PDE1C: variants seen among roughly 807,000 people sequenced by gnomAD.
The protein encoded by PDE1C is dual specificity calcium/calmodulin-dependent 3',5'-cyclic nucleotide phosphodiesterase 1C.
Under a neutral mutation model 93.1 loss-of-function variants are expected in PDE1C, and 62 were observed. The observed-to-expected ratio is 0.67, with a 90% CI of 0.54 to 0.82. The LOEUF is 0.82. Among genes scored for constraint, PDE1C ranks in the 40% least tolerant of loss-of-function variants. The probability of loss-of-function intolerance (pLI) is 0.00; values close to 1 mark genes in which losing one functional copy is unlikely to be tolerated. For synonymous variants in PDE1C, 325 were observed against 310.1 expected (o/e 1.05, Z -0.50); for missense variants, 742 against 884.6 (o/e 0.84, Z 2.04).
intron 2 of PDE1C, among the ~76,000 whole-genome samples, chr7:31,970,421 C>T (rs1584262191): frequency 6.6e-6 from 1 of 152,134 alleles, no homozygotes; most frequent in Admixed American, 6.5e-5. Flanking sequence ...TGACAACACA[C>T]CTGTGAAATG....
chr7:31,923,829 A>G (rs1802975659), intron 2 of PDE1C, among the ~76,000 whole-genome samples: 1 of 152,128 alleles, frequency 6.6e-6, no homozygotes, highest in Non-Finnish European at 1.5e-5. Flanking sequence ...ATAATAATAA[A>G]TTTTTAACAT....
the PDE1C span, among the ~76,000 whole-genome samples, chr7:31,716,634 T>A: frequency 6.6e-6 from 1 of 152,222 alleles, no homozygotes; most frequent in African/African-American, 2.4e-5. Flanking sequence ...TCACTATGCA[T>A]CTGTTATTTA....
At chr7:31,728,441 A>G in the PDE1C span, among the ~76,000 whole-genome samples, 1 of 152,182 alleles carries the variant, frequency 6.6e-6, no homozygotes, top group Non-Finnish European at 1.5e-5. Context: ...CCAAATACCC[A>G]AAGTAAGAGA....
At chr7:32,155,700 C>T (rs1329039303) in intron 3 of PDE1C, among the ~76,000 whole-genome samples, 1 of 152,212 alleles carries the variant, frequency 6.6e-6, no homozygotes, top group African/African-American at 2.4e-5. Context: ...TCACCGCATG[C>T]ATGCCTCCTG....
chr7:32,230,050 G>A (rs1807579227), intron 1 of PDE1C, among the ~76,000 whole-genome samples: 1 of 152,182 alleles, frequency 6.6e-6, no homozygotes, highest in South Asian at 2.1e-4. Context: ...AGCCTCTCCG[G>A]AATAGAAAAG....
At chr7:32,021,830 T>C (rs990307157) in intron 2 of PDE1C, among the ~76,000 whole-genome samples, 5 of 152,172 alleles carry the variant, frequency 3.3e-5, no homozygotes, top group East Asian at 1.9e-4. Flanking sequence ...GTGAGTCCTA[T>C]TGCCATTTAG....
intron 1 of PDE1C, among the ~76,000 whole-genome samples, chr7:32,383,787 G>T (rs215720): frequency 6.6e-6 from 1 of 151,978 alleles, no homozygotes; most frequent in African/African-American, 2.4e-5. Flanking sequence ...CACTGGAAAG[G>T]GTCCAAGCTT....
chr7:31,977,363 T>C (rs546493388), intron 2 of PDE1C, among the ~76,000 whole-genome samples: 1 of 152,288 alleles, frequency 6.6e-6, no homozygotes, highest in Non-Finnish European at 1.5e-5. Flanking sequence ...GCCTCCAGAA[T>C]CGTGAGCTAA....
At position 31,865,078 on chromosome 7, in the gene PDE1C, G is replaced by T. The variant is rs1303301615; in HGVS notation, c.614C>A (p.Pro205His). ...CACAAATGAGACAAGTGCAGAAATG[G>T]GGATCTGAAAGAGAGCAGTAAGGTT... ...RYDLISRFKI[P>H]ISALVSFVEA... The change falls in exon 7 of 18, where the codon CCC (proline) becomes CAC (histidine). Residue 205 changes from proline (P) to histidine (H), a missense_variant. Pro to His is a moderately conservative substitution (Grantham distance 77). Transcript: ENST00000396191. The T allele has an allele frequency of 6.2e-7, 1 of 1,613,988 alleles. No homozygotes were observed.
At chr7:31,790,075 G>T in intron 16 of PDE1C, 1 of 1,441,060 alleles carries the variant, frequency 6.9e-7, no homozygotes, top group Admixed American at 2.8e-5. Context: ...CCTGGAAGGA[G>T]ATGGTGTGAG....
intron 16 of PDE1C, among the ~76,000 whole-genome samples, chr7:31,808,594 T>C (rs1380166586): frequency 1.3e-5 from 2 of 151,882 alleles, no homozygotes; most frequent in African/African-American, 4.8e-5. Flanking sequence ...GTTTTTGTTT[T>C]AAACAAAAAT....
intron 2 of PDE1C, among the ~76,000 whole-genome samples, chr7:32,186,093 T>TTG (rs1416062588): frequency 3.8e-4 from 12 of 31,642 alleles, no homozygotes; most frequent in African/African-American, 8.1e-4. Flanking sequence ...TTTTGTTTTT[T>TTG]TTTTTTTTTT....
At chr7:31,805,812 C>T (rs560308522) in intron 16 of PDE1C, among the ~76,000 whole-genome samples, 1 of 152,004 alleles carries the variant, frequency 6.6e-6, no homozygotes, top group East Asian at 1.9e-4. Context: ...CTATGTCACT[C>T]CTCTCTATGC....
At chr7:32,340,066 A>G (rs139758809) in intron 1 of PDE1C, among the ~76,000 whole-genome samples, 2 of 152,274 alleles carry the variant, frequency 1.3e-5, no homozygotes, top group East Asian at 3.9e-4. Context: ...AAGTAAGGGC[A>G]TGAGAAGAGG....
At chr7:31,677,590 A>T in the PDE1C span, among the ~76,000 whole-genome samples, 1 of 152,334 alleles carries the variant, frequency 6.6e-6, no homozygotes, top group South Asian at 2.1e-4. Flanking sequence ...GATAAAATTC[A>T]AAACTCATTC....
chr7:31,886,646 C>T (rs2128890173), intron 2 of PDE1C, among the ~76,000 whole-genome samples: 1 of 152,230 alleles, frequency 6.6e-6, no homozygotes, highest in South Asian at 2.1e-4. Flanking sequence ...TAACAAAGCC[C>T]TCCCCAGTGG....
chr7:31,737,333 C>A, the PDE1C span, among the ~76,000 whole-genome samples: 1 of 152,040 alleles, frequency 6.6e-6, no homozygotes, highest in African/African-American at 2.4e-5. Flanking sequence ...TAAATGAATA[C>A]CACCACCATT....
At chr7:32,191,599 AGTTT>A (rs1389117807) in intron 2 of PDE1C, among the ~76,000 whole-genome samples, 1 of 152,166 alleles carries the variant, frequency 6.6e-6, no homozygotes, top group Non-Finnish European at 1.5e-5. Context: ...AGTCCAGCAC[AGTTT>A]GTTTAACCAT....
the PDE1C span, among the ~76,000 whole-genome samples, chr7:31,621,838 C>A: frequency 1.3e-5 from 2 of 151,742 alleles, no homozygotes; most frequent in Middle Eastern, 3.2e-3. Context: ...CAAGACCCAT[C>A]AGTGTGTTGT....
Sources: allele counts gnomAD v4.1 joint callset (sites outside exome capture counted in the v4.1 genomes callset), GRCh38; gene constraint gnomAD v4.1.1; transcripts MANE v1.5; gene names NCBI Gene and HGNC (gene_info 2026-07-23, HGNC 2026-07-21).